Variants in RLIG1 observed in about 807,000 individuals in gnomAD.
RLIG1 encodes the protein RNA 5'-phosphate and 3'-OH ligase 1, also known as RNA ligase 1.
chr12:88,043,276 G>A, the RLIG1 span, among the ~76,000 whole-genome samples: 12 of 151,932 alleles, frequency 7.9e-5, no homozygotes, highest in Admixed American at 2.0e-4. Flanking sequence ...GATACTCATT[G>A]TATATCTATG....
At chr12:88,049,399 G>T in the RLIG1 span, 2 of 1,476,172 alleles carry the variant, frequency 1.4e-6, no homozygotes, top group South Asian at 1.3e-5. Flanking sequence ...TCTTTTTTCA[G>T]CTTCTTTATT....
the RLIG1 span, among the ~76,000 whole-genome samples, chr12:88,043,245 T>C: frequency 2.6e-5 from 4 of 152,190 alleles, no homozygotes; most frequent in East Asian, 7.7e-4. Flanking sequence ...ATTATTAAAA[T>C]GCTTTTAAAT....
chr12:88,049,420 G>T, the RLIG1 span: 1 of 1,311,854 alleles, frequency 7.6e-7, no homozygotes, highest in South Asian at 1.4e-5. Context: ...TCCTCCTAAT[G>T]GAAACATTAT....
At chr12:88,046,516 A>AG in the RLIG1 span, among the ~76,000 whole-genome samples, 1 of 150,592 alleles carries the variant, frequency 6.6e-6, no homozygotes, top group South Asian at 2.1e-4. Flanking sequence ...CAGTACTTAC[A>AG]TGAGTGGGTG....
chr12:88,047,054 C>T, the RLIG1 span: 4 of 1,337,548 alleles, frequency 3.0e-6, no homozygotes, highest in African/African-American at 1.5e-5. Context: ...CTAAAATTCT[C>T]TCTACAAATG....
chr12:88,036,100 A>G, the RLIG1 span: 2 of 1,340,058 alleles, frequency 1.5e-6, no homozygotes, highest in Non-Finnish European at 2.0e-6. Context: ...AAGCTTTACT[A>G]CTTTTCAAGA....
chr12:88,036,146 T>G, the RLIG1 span: 1 of 1,232,168 alleles, frequency 8.1e-7, no homozygotes, highest in African/African-American at 1.5e-5. Flanking sequence ...GAAGACTTGC[T>G]TTACCTGTTC....
At chr12:88,043,575 T>A in the RLIG1 span, 1 of 1,496,538 alleles carries the variant, frequency 6.7e-7, no homozygotes, top group Non-Finnish European at 9.1e-7. Flanking sequence ...CCACATACAA[T>A]ATTATCTTTT....
At chr12:88,047,399 T>C in the RLIG1 span, among the ~76,000 whole-genome samples, 1 of 152,138 alleles carries the variant, frequency 6.6e-6, no homozygotes, top group Non-Finnish European at 1.5e-5. Flanking sequence ...GACTTGTCTG[T>C]TTGATTTCTC....
At chr12:88,043,580 T>C in the RLIG1 span, 1 of 1,517,308 alleles carries the variant, frequency 6.6e-7, no homozygotes, top group Non-Finnish European at 9.0e-7. Context: ...TACAATATTA[T>C]CTTTTTAATA....
At chr12:88,045,504 C>G in the RLIG1 span, 3 of 1,062,466 alleles carry the variant, frequency 2.8e-6, no homozygotes, top group South Asian at 3.3e-5. Flanking sequence ...AAATTTACAA[C>G]AAAAATATAA....
At chr12:88,041,983 T>A in the RLIG1 span, 3 of 152,188 alleles carry the variant, frequency 2.0e-5, no homozygotes, top group South Asian at 6.2e-4. Context: ...CATTTATTAC[T>A]ACTAAAGAAT....
chr12:88,042,897 T>C, the RLIG1 span: 1 of 1,572,340 alleles, frequency 6.4e-7, no homozygotes, highest in South Asian at 1.2e-5. Flanking sequence ...AAAAATTTTC[T>C]ACATTCAAAA....
the RLIG1 span, chr12:88,048,307 A>T: frequency 1.4e-5 from 23 of 1,605,776 alleles, no homozygotes; most frequent in Non-Finnish European, 2.0e-5. Context: ...GTTATTATCA[A>T]CATGAACCTG....
the RLIG1 span, chr12:88,040,155 A>C: frequency 3.7e-6 from 6 of 1,602,282 alleles, no homozygotes; most frequent in Non-Finnish European, 5.1e-6. Flanking sequence ...AAGCCATTTA[A>C]AGTTTTGGCA....
At chr12:88,040,353 C>T in the RLIG1 span, 1 of 729,904 alleles carries the variant, frequency 1.4e-6, no homozygotes. Context: ...ATTTGCTCTT[C>T]ATAAACACTT....
At chr12:88,043,946 A>T in the RLIG1 span, 1 of 511,452 alleles carries the variant, frequency 2.0e-6, no homozygotes, top group Non-Finnish European at 3.4e-6. Context: ...ATTTTTTACT[A>T]GCTGTAGTCT....
At chr12:88,038,293 CT>C in the RLIG1 span, among the ~76,000 whole-genome samples, 1,145 of 152,156 alleles carry the variant, frequency 7.5e-3, 20 homozygotes, top group African/African-American at 0.026. Flanking sequence ...GGTTTTACTC[CT>C]TTTTTTATAT....
chr12:88,046,110 TA>T, the RLIG1 span, among the ~76,000 whole-genome samples: 1 of 152,168 alleles, frequency 6.6e-6, no homozygotes, highest in African/African-American at 2.4e-5. Flanking sequence ...ATGGTTATTA[TA>T]GCATCAATTT....
Sources: allele counts gnomAD v4.1 joint callset (sites outside exome capture counted in the v4.1 genomes callset), GRCh38; gene constraint gnomAD v4.1.1; transcripts MANE v1.5; gene names NCBI Gene and HGNC (gene_info 2026-07-23, HGNC 2026-07-21).